The following POU2F2 variants were observed in gnomAD, a reference collection of about 807,000 sequenced individuals.
POU2F2 encodes POU class 2 homeobox 2.
A neutral mutation model predicts 63.5 loss-of-function variants in POU2F2; 14 were observed. The observed-to-expected ratio is 0.22, with a 90% CI of 0.15 to 0.34. The LOEUF is 0.34. Among genes scored for constraint, POU2F2 ranks in the 10% least tolerant of loss-of-function variants. The pLI is 1.00. For synonymous variants in POU2F2, 306 were observed against 348.6 expected (o/e 0.88, Z 1.36); for missense variants, 607 against 815.2 (o/e 0.74, Z 3.11).
chr19:42,131,146 C>T (rs1362009360), intron 1 of POU2F2, among the ~76,000 whole-genome samples: 2 of 148,910 alleles, frequency 1.3e-5, no homozygotes, highest in South Asian at 4.4e-4. Context: ...AGCCCTGACC[C>T]CTCTGCCTGG....
chr19:42,114,187 A>C (rs1272860753), intron 5 of POU2F2, among the ~76,000 whole-genome samples: 1 of 151,530 alleles, frequency 6.6e-6, no homozygotes, highest in Non-Finnish European at 1.5e-5. Flanking sequence ...GAGCTGGGGG[A>C]GGTGGCTCTA....
intron 4 of POU2F2, among the ~76,000 whole-genome samples, chr19:42,120,390 T>C (rs1404436367): frequency 6.6e-6 from 1 of 152,014 alleles, no homozygotes; most frequent in Non-Finnish European, 1.5e-5. Flanking sequence ...CCGGCTAATT[T>C]TTGTATTTTT....
At chr19:42,134,924 G>A (rs1310260969), upstream of POU2F2, among the ~76,000 whole-genome samples, 1 of 152,076 alleles carries the variant, frequency 6.6e-6, no homozygotes, top group East Asian at 1.9e-4. Context: ...TCCCCCGGGG[G>A]CCCGGCGGGG....
chr19:42,129,853 C>T (rs1365907395), intron 1 of POU2F2, among the ~76,000 whole-genome samples: 2 of 152,196 alleles, frequency 1.3e-5, no homozygotes, highest in East Asian at 1.9e-4. Context: ...GAGAGGTGGC[C>T]CCACAGCTGC....
Position 42,095,509 on chromosome 19 carries a change from C to G in POU2F2, c.1020+36G>C, listed in dbSNP as rs370251919. ...GCCCGAGGCCCACCGCCCGCCACCC[C>G]TCAGGTGAGGGCCACCCAGGAGAGG... On this transcript the variant is annotated intron_variant, in intron 10 of 14. Transcript: ENST00000692977. The surrounding 1 kb of genome is among the most constrained non-coding windows in gnomAD (Gnocchi z 7.1). 1.9e-6 allele frequency: 3 copies of G among 1,604,314 alleles called. No individual in the cohort carries two copies. The African/African-American group carries it at 4.0e-5, about 22-fold the overall frequency.
At position 42,153,245 on chromosome 19, in the gene POU2F2, G is replaced by A. The variant is rs1033546356; in HGVS notation, c.-9+7087C>T. Among the ~76,000 whole-genome samples the A allele has an allele frequency of 3.3e-5, 5 of 152,256 alleles. No homozygotes were observed. Among genetic ancestry groups the A allele is most frequent in the Middle Eastern group, 3.4e-3 (1 of 294 alleles). ...GGGGATTCTAGGACTGCACATACCC[G>A]AGCGTCTTGGCCCGAGTCATGTCTG... On this transcript the variant is annotated intron_variant, in intron 2 of 6. Transcript: ENST00000524801. This position sits in a 1 kb window ranked among gnomAD's most constrained non-coding sequence, Gnocchi z 5.6.
rs1372273214 is a variant in POU2F2 at position 42,122,133 on chromosome 19, C to T, written c.179G>A (p.Ser60Asn). Residue 60 changes from serine to asparagine, a missense_variant, in exon 4 of 15, where the codon AGT becomes AAT. Physicochemically the swap from Ser to Asn is conservative, Grantham distance 46 (BLOSUM62 1). Coordinates refer to ENST00000692977, the MANE Select transcript of POU2F2 (RefSeq NM_001394376.1). ...SPFSVSPTGP[S>N]TKVGILSGLH... ...GTTCTGACAGGTGCTTACCTTTGTA[C>T]TGGGGCCAGTTGGGGACACGGAGAA... The T allele has an allele frequency of 6.2e-7, 1 of 1,613,302 alleles. No homozygotes were observed. Among genetic ancestry groups the T allele is most frequent in the South Asian group, 1.1e-5 (1 of 91,070 alleles).
chr19:42,102,002 A>G (rs2077162500), intron 5 of POU2F2, among the ~76,000 whole-genome samples: 1 of 152,050 alleles, frequency 6.6e-6, no homozygotes, highest in African/African-American at 2.4e-5. Flanking sequence ...AGAAAGCTGA[A>G]CATACACCAC....
intron 2 of POU2F2, among the ~76,000 whole-genome samples, chr19:42,138,259 G>A (rs546036129): frequency 7.9e-5 from 12 of 152,300 alleles, no homozygotes; most frequent in Non-Finnish European, 1.6e-4. Flanking sequence ...GTGGGGCATG[G>A]GAGTCACGGA....
intron 2 of POU2F2, among the ~76,000 whole-genome samples, chr19:42,147,761 C>T (rs1033403532): frequency 6.6e-6 from 1 of 152,122 alleles, no homozygotes; most frequent in South Asian, 2.1e-4. Flanking sequence ...ATTGACAGTG[C>T]GTTGGGAAAA....
At chr19:42,133,276 G>A (rs1332375813), upstream of POU2F2, among the ~76,000 whole-genome samples, 4 of 152,220 alleles carry the variant, frequency 2.6e-5, no homozygotes, top group African/African-American at 7.2e-5. The surrounding 1 kb of genome is among the most constrained non-coding windows in gnomAD (Gnocchi z 5.1). Flanking sequence ...CAATGGGCCG[G>A]AGGGCGGGGC....
chr19:42,101,680 GCTAT>G (rs1555895256), intron 5 of POU2F2, among the ~76,000 whole-genome samples: 4 of 152,108 alleles, frequency 2.6e-5, no homozygotes, highest in Non-Finnish European at 4.4e-5. Context: ...TAATATAGGC[GCTAT>G]CTAAGAAAAC....
intron 5 of POU2F2, among the ~76,000 whole-genome samples, chr19:42,107,022 G>A (rs184895625): frequency 3.2e-4 from 49 of 151,870 alleles, no homozygotes; most frequent in Non-Finnish European, 8.8e-5. Context: ...GGAGACACCC[G>A]TCTCCAAAAA....
upstream of POU2F2, among the ~76,000 whole-genome samples, chr19:42,179,077 G>C (rs907591985): frequency 2.0e-5 from 3 of 152,076 alleles, no homozygotes; most frequent in Non-Finnish European, 4.4e-5. Flanking sequence ...TAGAGAATGA[G>C]GTCTGGTAGA....
chr19:42,173,492 A>G (rs897946695), intron 1 of POU2F2, among the ~76,000 whole-genome samples: 1 of 151,936 alleles, frequency 6.6e-6, no homozygotes, highest in Non-Finnish European at 1.5e-5. Context: ...TAGGCCCTGC[A>G]TACAAGAAGG....
chr19:42,145,062 T>G (rs1417027710), intron 2 of POU2F2, among the ~76,000 whole-genome samples: 2 of 152,236 alleles, frequency 1.3e-5, no homozygotes, highest in African/African-American at 4.8e-5. Context: ...CCTGAGGGGA[T>G]GAAATTAAAA....
chr19:42,100,644 C>T (rs538233615), intron 5 of POU2F2, among the ~76,000 whole-genome samples: 1 of 151,252 alleles, frequency 6.6e-6, no homozygotes. Flanking sequence ...CCAGCTACTC[C>T]GGAGGCTGAT....
intron 14 of POU2F2, 86 bp from the exon 15 acceptor site, chr19:42,091,677 C>A (rs1327187596): frequency 6.4e-7 from 1 of 1,551,168 alleles, no homozygotes; most frequent in Non-Finnish European, 8.7e-7. Flanking sequence ...AGAGTGCCCC[C>A]CATCTCCCCA....
In POU2F2 at chr19:42,195,465, T is replaced by G. The variant is rs112754169; in HGVS notation, c.-70+918A>C. ...CTCCTGCCTCAGCCTCCCCAGTACC[T>G]GGAACTACAGGCGCCCGCCACCACA... is the stretch of plus-strand genomic sequence containing the variant. On this transcript the variant is annotated intron_variant, in intron 1 of 5. Coordinates refer to the POU2F2 transcript ENST00000532176. 2.5e-3 allele frequency among the ~76,000 whole-genome samples: 381 copies of G among 150,960 alleles called. 7 individuals carry two copies. Among genetic ancestry groups the G allele is most frequent in the African/African-American group, 8.7e-3 (359 of 41,106 alleles).
Sources: allele counts gnomAD v4.1 joint callset (sites outside exome capture counted in the v4.1 genomes callset), GRCh38; gene constraint gnomAD v4.1.1; non-coding constraint Gnocchi (gnomAD v3.1); transcripts MANE v1.5; gene names NCBI Gene and HGNC (gene_info 2026-07-23, HGNC 2026-07-21).